Variants in DCDC1 observed in about 807,000 individuals in gnomAD.
The protein encoded by DCDC1 is doublecortin domain-containing protein 1.
Under a neutral mutation model 178.3 loss-of-function variants are expected in DCDC1, and 200 were observed. The ratio of observed to expected loss-of-function variants is 1.12; its 90% CI spans 1.00 to 1.26. The LOEUF (loss-of-function observed/expected upper bound fraction) is 1.26. Ranked by LOEUF, DCDC1 falls within the 50% of genes most tolerant of loss-of-function variation. The pLI, the probability that DCDC1 is intolerant of heterozygous loss-of-function variation, is 0.00. For synonymous variants in DCDC1, 690 were observed against 604.8 expected, an observed-to-expected ratio of 1.14 and a Z score of -2.07; for missense variants, 1,983 against 1,749.2, an observed-to-expected ratio of 1.13 and a Z score of -2.38.
At chr11:31,043,386 C>T (rs1481221544) in intron 20 of DCDC1, among the ~76,000 whole-genome samples, 3 of 152,140 alleles carry the variant, frequency 2.0e-5, no homozygotes, top group Non-Finnish European at 4.4e-5. Flanking sequence ...GTTCCTTCTT[C>T]AAGCCTCCTG....
At chr11:30,865,602 C>T (rs1313612141) in intron 38 of DCDC1, among the ~76,000 whole-genome samples, 1 of 152,118 alleles carries the variant, frequency 6.6e-6, no homozygotes, top group Non-Finnish European at 1.5e-5. Context: ...GGGGTCTTTA[C>T]TAAGACTGAC....
chr11:31,366,809 G>A (rs77916294), intron 1 of DCDC1, among the ~76,000 whole-genome samples: 2,788 of 152,218 alleles, frequency 0.018, 85 homozygotes, highest in African/African-American at 0.064. Context: ...TAAAATTAGG[G>A]GTTTATATAA....
At chr11:31,121,501 A>G (rs1183442498) in intron 11 of DCDC1, among the ~76,000 whole-genome samples, 1 of 150,140 alleles carries the variant, frequency 6.7e-6, no homozygotes, top group Non-Finnish European at 1.5e-5. Flanking sequence ...TATGGAACAC[A>G]GAAATAGTGT....
chr11:31,239,223 AATCTTAT>A (rs1445450359), intron 9 of DCDC1, among the ~76,000 whole-genome samples: 2 of 152,080 alleles, frequency 1.3e-5, no homozygotes, highest in Non-Finnish European at 2.9e-5. Flanking sequence ...TCTTTAAAAC[AATCTTAT>A]ATAAAACTAA....
At chr11:31,293,242 A>G (rs1342122365) in intron 6 of DCDC1, among the ~76,000 whole-genome samples, 1 of 152,228 alleles carries the variant, frequency 6.6e-6, no homozygotes, top group Non-Finnish European at 1.5e-5. Context: ...TCAGGAATAC[A>G]GAATCTACTC....
chr11:31,171,730 T>A (rs1967266985), intron 9 of DCDC1, among the ~76,000 whole-genome samples: 1 of 152,234 alleles, frequency 6.6e-6, no homozygotes, highest in African/African-American at 2.4e-5. Context: ...AGTATAATTT[T>A]ACAACATCTG....
chr11:31,117,731 T>C (rs1011119126), intron 11 of DCDC1, among the ~76,000 whole-genome samples: 3 of 152,042 alleles, frequency 2.0e-5, no homozygotes, highest in Admixed American at 2.0e-4. Context: ...AATCAATTTG[T>C]ATCCAATTGC....
Position 30,922,638 on chromosome 11 carries a change from C to A in DCDC1, c.2998G>T (p.Val1000Leu), listed in dbSNP as rs1171801313. The A allele has an allele frequency of 3.3e-6, 5 of 1,535,776 alleles. No individual in the cohort carries two copies. Among genetic ancestry groups the A allele is most frequent in the East Asian group, 2.5e-5 (1 of 40,748 alleles). ...ALKDLQRDEL[V>L]YVSCGELWIN... ...CAGAGTTCTCCACATGAAACATACA[C>A]CTATCAAACAAAGCATCTCTTATCC... Residue 1000 changes from valine (V) to leucine (L), a missense_variant and splice_region_variant, in exon 24 of 39, where the codon GTG becomes TTG. Coordinates refer to ENST00000684477, the MANE Select transcript of DCDC1 (RefSeq NM_001387274.1).
chr11:30,894,004 T>C (rs1289087380), intron 35 of DCDC1, among the ~76,000 whole-genome samples: 1 of 152,220 alleles, frequency 6.6e-6, no homozygotes, highest in African/African-American at 2.4e-5. Context: ...GGCCTTTTTC[T>C]CTTCTTTGCT....
At chr11:31,257,913 A>C (rs1197802213) in intron 8 of DCDC1, among the ~76,000 whole-genome samples, 1 of 152,238 alleles carries the variant, frequency 6.6e-6, no homozygotes, top group Non-Finnish European at 1.5e-5. Flanking sequence ...CTTGGAGAGC[A>C]GACTGAGAAC....
chr11:31,230,781 A>G (rs1036329114), intron 9 of DCDC1, among the ~76,000 whole-genome samples: 8 of 151,916 alleles, frequency 5.3e-5, no homozygotes, highest in Admixed American at 2.0e-4. Flanking sequence ...ACAGTTACAA[A>G]GTATGTAATT....
At chr11:30,903,016 G>T (rs1396429765) in intron 32 of DCDC1, among the ~76,000 whole-genome samples, 1 of 152,080 alleles carries the variant, frequency 6.6e-6, no homozygotes, top group Non-Finnish European at 1.5e-5. Context: ...ACAGAGACAG[G>T]GAAGGGGACT....
intron 17 of DCDC1, among the ~76,000 whole-genome samples, chr11:31,080,737 C>A (rs113031963): frequency 6.6e-6 from 1 of 152,014 alleles, no homozygotes; most frequent in Non-Finnish European, 1.5e-5. Flanking sequence ...TGTTGGGTTG[C>A]GATAAAATTT....
At chr11:31,158,687 A>G (rs2136148210) in intron 9 of DCDC1, among the ~76,000 whole-genome samples, 1 of 152,344 alleles carries the variant, frequency 6.6e-6, no homozygotes, top group South Asian at 2.1e-4. Context: ...ATGTTTCATT[A>G]TAAATGTTTT....
intron 38 of DCDC1, among the ~76,000 whole-genome samples, chr11:30,870,183 C>A (rs956221736): frequency 1.3e-5 from 2 of 152,182 alleles, no homozygotes; most frequent in Non-Finnish European, 2.9e-5. Context: ...CTGAGTGAGG[C>A]AGAGTCCTGT....
chr11:31,231,778 G>C (rs1277526570), intron 9 of DCDC1, among the ~76,000 whole-genome samples: 2 of 152,080 alleles, frequency 1.3e-5, no homozygotes, highest in Non-Finnish European at 2.9e-5. Flanking sequence ...TAAATAAGCT[G>C]GTTAAATTAT....
chr11:30,923,552 T>A (rs1054249993), intron 23 of DCDC1, among the ~76,000 whole-genome samples: 1 of 150,906 alleles, frequency 6.6e-6, no homozygotes, highest in African/African-American at 2.4e-5. Context: ...CATTGCAAAG[T>A]CATTATTACA....
intron 20 of DCDC1, among the ~76,000 whole-genome samples, chr11:30,986,576 C>T (rs1200399158): frequency 6.6e-6 from 1 of 152,086 alleles, no homozygotes; most frequent in African/African-American, 2.4e-5. Flanking sequence ...TGTGATCCAC[C>T]CACCTCGGCC....
At chr11:30,927,867 T>C (rs1946683092) in intron 22 of DCDC1, among the ~76,000 whole-genome samples, 1 of 152,148 alleles carries the variant, frequency 6.6e-6, no homozygotes, top group African/African-American at 2.4e-5. Flanking sequence ...AGGCATACTT[T>C]GCAAAAAAGT....
Sources: gnomAD v4.1 joint callset for allele counts (sites outside exome capture counted in the v4.1 genomes callset) on GRCh38, gnomAD v4.1.1 for gene constraint, MANE v1.5 for transcripts, NCBI Gene and HGNC (gene_info 2026-07-23, HGNC 2026-07-21) for gene names.